The following SLC22A17 variants were observed in gnomAD, a reference collection of about 807,000 sequenced individuals.
SLC22A17 encodes solute carrier family 22 member 17, also known as 24p3 receptor.
In SLC22A17, 38 loss-of-function variants were observed where a neutral mutation model predicts 53.6. That is an observed-to-expected ratio of 0.71 (90% CI 0.55 to 0.93). The LOEUF (loss-of-function observed/expected upper bound fraction) is 0.93. Ranked by LOEUF, SLC22A17 falls within the 40% of genes least tolerant of loss-of-function variation. The probability of loss-of-function intolerance (pLI) is 0.00; values close to 1 mark genes in which losing one functional copy is unlikely to be tolerated. For synonymous variants in SLC22A17, 379 were observed against 353.0 expected (o/e 1.07, Z -0.82); for missense variants, 704 against 791.0 (o/e 0.89, Z 1.32).
chr14:23,352,039 C>A lies in SLC22A17; in HGVS notation c.509G>T (p.Cys170Phe), dbSNP rs1369435214. The change falls in exon 2 of 10, where the codon TGC (cysteine) becomes TTC (phenylalanine). Residue 170 changes from cysteine (C) to phenylalanine (F), a missense_variant. Cys to Phe is a radical substitution (Grantham distance 205, BLOSUM62 -2). Coordinates refer to ENST00000397267, the Ensembl canonical transcript of SLC22A17. This position sits in a 1 kb window ranked among gnomAD's most constrained non-coding sequence, Gnocchi z 7.2. ...GAAGTCCGGCGGGGCGAAGCCGCTG[C>A]ACGAGGGGTCGGTACTGGTGGCGAC... 1.9e-6 allele frequency: 3 copies of A among 1,608,192 alleles called. No homozygotes were observed. Among genetic ancestry groups the A allele is most frequent in the Non-Finnish European group, 1.7e-6 (2 of 1,177,598 alleles).
At position 23,348,321 on chromosome 14, in the gene SLC22A17, GA is replaced by G; in HGVS notation, c.1026-16del. On this transcript the variant is annotated splice_polypyrimidine_tract_variant and intron_variant, in intron 5 of 9. Coordinates refer to ENST00000397267, the Ensembl canonical transcript of SLC22A17. This position sits in a 1 kb window ranked among gnomAD's most constrained non-coding sequence, Gnocchi z 4.5. ...AACCAGGCCAGCTGGGGGCAGGGGGGAAGGGGTATACTGTGAGGCCTCCCTT... is the reference window on the plus strand; with the variant it reads ...AACCAGGCCAGCTGGGGGCAGGGGGGAGGGGTATACTGTGAGGCCTCCCTT... The G allele has an allele frequency of 6.2e-7, 1 of 1,613,738 alleles. No individual in the cohort carries two copies. Among genetic ancestry groups the G allele is most frequent in the Non-Finnish European group, 8.5e-7 (1 of 1,179,810 alleles).
intron 3 of SLC22A17, 53 bp downstream of exon 3, chr14:23,351,699 C>A: frequency 6.6e-7 from 1 of 1,524,974 alleles, no homozygotes; most frequent in Non-Finnish European, 8.9e-7. Flanking sequence ...CTTGGGTTAG[C>A]TTCCCTAGCA....
chr14:23,350,650 G>A (rs1274486759), intron 3 of SLC22A17, among the ~76,000 whole-genome samples: 5 of 152,206 alleles, frequency 3.3e-5, no homozygotes, highest in Admixed American at 2.6e-4. Flanking sequence ...ATCTAATGGG[G>A]TGGGGCATTT....
chr14:23,348,395 G>T lies in SLC22A17; in HGVS notation c.1026-89C>A. On this transcript the variant is annotated intron_variant, in intron 5 of 9. Coordinates refer to ENST00000397267, the Ensembl canonical transcript of SLC22A17. This position sits in a 1 kb window ranked among gnomAD's most constrained non-coding sequence, Gnocchi z 4.5. ...TGTGCACCTCTGAGGGACTGGGGCTGGGGTAGGCCTGGACCAGGGGTAGTT... is the reference window on the plus strand; with the variant it reads ...TGTGCACCTCTGAGGGACTGGGGCTTGGGTAGGCCTGGACCAGGGGTAGTT... The T allele has an allele frequency of 1.3e-6, 2 of 1,584,756 alleles. No individual in the cohort carries two copies. The highest frequency in any genetic ancestry group is 2.7e-5 in the African/African-American group (2 of 74,568).
Position 23,347,812 on chromosome 14 carries a change from G to A in SLC22A17, c.1277+79C>T, listed in dbSNP as rs1489102193. ...TCTACAGTGCTGATGGTCCTCCGCAGGGGTCCCCGGGCCTTCCCACCCAGC... is the reference window on the plus strand; with the variant it reads ...TCTACAGTGCTGATGGTCCTCCGCAAGGGTCCCCGGGCCTTCCCACCCAGC... On this transcript the variant is annotated intron_variant, in intron 7 of 9. Coordinates refer to ENST00000397267, the Ensembl canonical transcript of SLC22A17. The surrounding 1 kb of genome is among the most constrained non-coding windows in gnomAD (Gnocchi z 5.1). 3 of 1,611,544 alleles carry A rather than the reference G, an allele frequency of 1.9e-6. No homozygotes were observed. In the African/African-American group the frequency reaches 4.0e-5, roughly 22 times the overall value.
intron 3 of SLC22A17, among the ~76,000 whole-genome samples, chr14:23,350,290 C>T (rs979937680): frequency 1.3e-5 from 2 of 150,216 alleles, no homozygotes; most frequent in South Asian, 2.1e-4. Context: ...GGCAACAGAG[C>T]GAGACTCCAT....
rs542789236 is a variant in SLC22A17, at chr14:23,351,636, A to G, written c.704+116T>C. 3 of 763,560 alleles carry G rather than the reference A, an allele frequency of 3.9e-6. No individual in the cohort carries two copies. The South Asian group carries it at 5.2e-5, about 13-fold the overall frequency. The allele number at this position is 763,560 out of a possible 1,614,324, so 47.3% of individuals were successfully genotyped here. On this transcript the variant is annotated intron_variant, in intron 3 of 9. Transcript: ENST00000397267. ...GATAGACCATTGAATAGAAGTCCAG[A>G]GAAGACTGCAGAGTCCAGCGAATCG...
chr14:23,351,992 C>T (rs1345756717), exon 2 of SLC22A17: 2 of 1,612,620 alleles, frequency 1.2e-6, no homozygotes, highest in Non-Finnish European at 1.7e-6. Flanking sequence ...CCATTATAGT[C>T]CCAATCCTTG....
Position 23,348,983 on chromosome 14 carries a change from T to C in SLC22A17, c.859+289A>G, listed in dbSNP as rs1595009700. On this transcript the variant is annotated intron_variant, in intron 4 of 9. Coordinates refer to ENST00000397267, the Ensembl canonical transcript of SLC22A17. This position sits in a 1 kb window ranked among gnomAD's most constrained non-coding sequence, Gnocchi z 4.5. The stretch of plus-strand genomic sequence containing the variant: ...CCTTCACATCAACCCTTGTCCAAGG[T>C]CACACAGCTAGGGACAATCCTTGTC... 5.1e-6 allele frequency: 3 copies of C among 591,480 alleles called. No homozygotes were observed. The highest frequency in any genetic ancestry group is 3.0e-6 in the Non-Finnish European group (1 of 332,776). The allele number at this position is 591,480 out of a possible 1,614,324, so 36.6% of individuals were successfully genotyped here. A position where few individuals can be genotyped will look rare whatever the true frequency, so the allele number is the denominator to read the frequency against.
At chr14:23,349,157 T>C (rs774710202) in intron 4 of SLC22A17, 115 bp downstream of exon 4, 1 of 1,364,546 alleles carries the variant, frequency 7.3e-7, no homozygotes, top group Non-Finnish European at 1.0e-6. Context: ...GGCAGAAAGA[T>C]AGCTGAGATT....
chr14:23,348,850 C>T lies in SLC22A17; in HGVS notation c.860-179G>A. The T allele has an allele frequency of 3.0e-6, 2 of 660,266 alleles. No individual in the cohort carries two copies. Among genetic ancestry groups the T allele is most frequent in the East Asian group, 2.7e-5 (1 of 36,452 alleles). The allele number at this position is 660,266 out of a possible 1,614,324, so 40.9% of individuals were successfully genotyped here. A position where few individuals can be genotyped will look rare whatever the true frequency, so the allele number is the denominator to read the frequency against. On this transcript the variant is annotated intron_variant, in intron 4 of 9. Coordinates refer to ENST00000397267, the Ensembl canonical transcript of SLC22A17. This position sits in a 1 kb window ranked among gnomAD's most constrained non-coding sequence, Gnocchi z 4.5. ...GCAAGGACTGGGGAGACTGTTCAGC[C>T]CTCTCTCCTCTCCTGCTCAAACCTA... is the stretch of plus-strand genomic sequence containing the variant.
At position 23,352,216 on chromosome 14, in the gene SLC22A17, C is replaced by T; in HGVS notation, c.332G>A (p.Gly111Asp). 1 of 1,482,132 alleles carries T rather than the reference C, an allele frequency of 6.7e-7. No homozygotes were observed. Among genetic ancestry groups the T allele is most frequent in the Non-Finnish European group, 8.9e-7 (1 of 1,120,472 alleles). The allele number at this position is 1,482,132 out of a possible 1,614,324, so 91.8% of individuals were successfully genotyped here. A position where few individuals can be genotyped will look rare whatever the true frequency, so the allele number is the denominator to read the frequency against. Reference sequence around the variant, plus strand: ...CGTGAAGATGGGGTCCGAGGCCATGCCCAGAGCCACGAAGAGCACCGGCAG... The same window carrying T: ...CGTGAAGATGGGGTCCGAGGCCATGTCCAGAGCCACGAAGAGCACCGGCAG... Residue 111 changes from glycine to aspartate, a missense_variant, in exon 2 of 10, where the codon GGC (glycine) becomes GAC (aspartate). By Grantham distance (94) the Gly-to-Asp change is moderately conservative (BLOSUM62 -1). Coordinates refer to ENST00000397267, the Ensembl canonical transcript of SLC22A17. The surrounding 1 kb of genome is among the most constrained non-coding windows in gnomAD (Gnocchi z 7.2).
Position 23,346,416 on chromosome 14 carries a change from C to T in SLC22A17, c.*232G>A, listed in dbSNP as rs568283479. ...TTTGGGCGCAGGATGGAGCCCAGAC[C>T]CAGTGGTTACAGTGTGGAGCTCTCT... On this transcript the variant is annotated 3_prime_UTR_variant, in exon 10 of 10. Transcript: ENST00000397267. 6.0e-6 allele frequency: 3 copies of T among 501,600 alleles called. No homozygotes were observed. In the South Asian group the frequency reaches 1.3e-4, roughly 21 times the overall value. The allele number at this position is 501,600 out of a possible 1,614,324, so 31.1% of individuals were successfully genotyped here. A position where few individuals can be genotyped will look rare whatever the true frequency, so the allele number is the denominator to read the frequency against.
chr14:23,349,585 C>G (rs1889494650), intron 3 of SLC22A17, 159 bp from the exon 4 acceptor site: 8 of 825,212 alleles, frequency 9.7e-6, no homozygotes, highest in Non-Finnish European at 1.5e-5. Context: ...GGATGGGGAC[C>G]ATGGGTGGGT....
rs750088785 is a variant in SLC22A17, at chr14:23,346,728, G to A, written c.1870C>T (p.Arg624Trp). ...GGTGGCTGCCGCAGCAGGGAAGGCCGGCGACACAGCTCCCCGTCCCGGAGC... is the reference window on the plus strand; with the variant it reads ...GGTGGCTGCCGCAGCAGGGAAGGCCAGCGACACAGCTCCCCGTCCCGGAGC... The change falls in exon 10 of 10, where the codon CGG becomes TGG. Residue 624 changes from arginine to tryptophan, a missense_variant. By Grantham distance (101) the Arg-to-Trp change is moderately radical (BLOSUM62 -3). Coordinates refer to ENST00000397267, the Ensembl canonical transcript of SLC22A17. 68 of 1,545,632 alleles carry A rather than the reference G, an allele frequency of 4.4e-5. No homozygotes were observed. The highest frequency in any genetic ancestry group is 5.4e-5 in the African/African-American group (4 of 74,158).
chr14:23,351,729 C>A (rs1595014418), intron 3 of SLC22A17, 23 bp downstream of exon 3: 1 of 1,603,188 alleles, frequency 6.2e-7, no homozygotes, highest in Non-Finnish European at 8.5e-7. Context: ...TTCTACCAGC[C>A]CTGCCCCCAC....
At chr14:23,349,481 G>C in intron 3 of SLC22A17, 55 bp from the exon 4 acceptor site, 1 of 1,567,098 alleles carries the variant, frequency 6.4e-7, no homozygotes, top group Non-Finnish European at 8.7e-7. Context: ...TGGGAAAGTT[G>C]CTGGGTAAGA....
chr14:23,349,930 A>G (rs1889518903), intron 3 of SLC22A17, among the ~76,000 whole-genome samples: 1 of 152,156 alleles, frequency 6.6e-6, no homozygotes, highest in Admixed American at 6.5e-5. Flanking sequence ...GGTAAAGCCA[A>G]TGATATTAGG....
intron 3 of SLC22A17, 61 bp from the exon 4 acceptor site, chr14:23,349,487 T>A (rs1348699500): frequency 6.4e-6 from 10 of 1,554,626 alleles, no homozygotes. Flanking sequence ...AGTTGCTGGG[T>A]AAGACCCAGC....
Sources: allele counts gnomAD v4.1 joint callset (sites outside exome capture counted in the v4.1 genomes callset), GRCh38; gene constraint gnomAD v4.1.1; non-coding constraint Gnocchi (gnomAD v3.1); transcripts MANE v1.5; gene names NCBI Gene and HGNC (gene_info 2026-07-23, HGNC 2026-07-21).